Variants in METTL15 observed in about 807,000 individuals in gnomAD.
METTL15 encodes 12S rRNA N(4)-cytidine methyltransferase METTL15.
METTL15 carries 34 observed loss-of-function variants against 38.3 expected under a neutral mutation model. That is an observed-to-expected ratio of 0.89 (90% CI 0.68 to 1.18). The LOEUF (loss-of-function observed/expected upper bound fraction) is 1.18, where lower values mean the gene tolerates loss of function less well. METTL15 is among the 50% of genes most tolerant of loss of function. The pLI is 0.00. For synonymous variants in METTL15, 162 were observed against 170.9 expected (o/e 0.95, Z 0.41); for missense variants, 438 against 498.4 (o/e 0.88, Z 1.15).
chr11:28,298,151 T>C (rs1004275503), intron 6 of METTL15, among the ~76,000 whole-genome samples: 6 of 152,030 alleles, frequency 3.9e-5, no homozygotes, highest in East Asian at 1.9e-4. Context: ...TTTCATATTT[T>C]CCCCCCTAAA....
intron 6 of METTL15, among the ~76,000 whole-genome samples, chr11:28,503,819 G>T (rs542940351): frequency 1.3e-5 from 2 of 151,762 alleles, no homozygotes; most frequent in Middle Eastern, 6.8e-3. Context: ...ATTCAAACCC[G>T]GTAGGCCAGA....
chr11:28,128,278 G>C (rs992595949), intron 3 of METTL15, among the ~76,000 whole-genome samples: 2 of 152,020 alleles, frequency 1.3e-5, no homozygotes, highest in Non-Finnish European at 2.9e-5. Context: ...ATAATCTCTA[G>C]ATTAATGCAT....
intron 2 of METTL15, among the ~76,000 whole-genome samples, chr11:28,112,761 C>T (rs1851771345): frequency 6.6e-6 from 1 of 152,116 alleles, no homozygotes; most frequent in Non-Finnish European, 1.5e-5. Flanking sequence ...GAGAATCGGA[C>T]TGATAGACTG....
intron 6 of METTL15, among the ~76,000 whole-genome samples, chr11:28,455,620 T>C (rs995671310): frequency 6.6e-6 from 1 of 152,258 alleles, no homozygotes; most frequent in Non-Finnish European, 1.5e-5. Flanking sequence ...ACATTCCTTT[T>C]GCAATGTGAC....
chr11:28,392,108 A>G (rs1850515603), intron 5 of METTL15, among the ~76,000 whole-genome samples: 1 of 152,216 alleles, frequency 6.6e-6, no homozygotes, highest in Non-Finnish European at 1.5e-5. Flanking sequence ...GAACTCAAAC[A>G]AATTTACAAG....
Position 28,199,963 on chromosome 11 carries a change from C to T in METTL15, c.271-11099C>T, listed in dbSNP as rs111751208. 1.8e-3 allele frequency among the ~76,000 whole-genome samples: 272 copies of T among 152,002 alleles called. 1 individual carries two copies. The highest frequency in any genetic ancestry group is 6.2e-3 in the African/African-American group (259 of 41,472). On this transcript the variant is annotated intron_variant, in intron 3 of 6. Transcript: ENST00000407364. Reference sequence around the variant, plus strand: ...TTCACCATGTTGGTCAGGCTGGTCTCGAACTCCTGACCTCAGGTGATCCAC... The same window carrying T: ...TTCACCATGTTGGTCAGGCTGGTCTTGAACTCCTGACCTCAGGTGATCCAC...
In METTL15 at chr11:28,223,660, T is replaced by C. The variant is rs536528676; in HGVS notation, c.407+12462T>C. ...TGTCCTTTACTCTGTCAAAACTAAG[T>C]CAGAAATAGAAACTAACATTTTTAC... On this transcript the variant is annotated intron_variant, in intron 4 of 6. Coordinates refer to ENST00000407364, the MANE Select transcript of METTL15 (RefSeq NM_001113528.2). Among the ~76,000 whole-genome samples the C allele has an allele frequency of 5.3e-5, 8 of 152,248 alleles. No homozygotes were observed. The East Asian group carries it at 1.3e-3, about 26-fold the overall frequency.
intron 4 of METTL15, among the ~76,000 whole-genome samples, chr11:28,220,432 C>T (rs1278243728): frequency 1.3e-5 from 2 of 152,060 alleles, no homozygotes; most frequent in Admixed American, 1.3e-4. Context: ...TCCTCCATTC[C>T]TTTATTTTGA....
At chr11:28,480,950 G>T (rs757227767) in intron 6 of METTL15, among the ~76,000 whole-genome samples, 1 of 152,176 alleles carries the variant, frequency 6.6e-6, no homozygotes, top group Non-Finnish European at 1.5e-5. Context: ...AGGAGTCATA[G>T]CATATGGGGA....
intron 5 of METTL15, among the ~76,000 whole-genome samples, chr11:28,423,083 A>G (rs143653713): frequency 1.3e-5 from 2 of 152,198 alleles, no homozygotes; most frequent in Non-Finnish European, 2.9e-5. Flanking sequence ...CAAATGGCAA[A>G]CAGGTATATA....
At chr11:28,290,674 G>T (rs959415828) in intron 5 of METTL15, among the ~76,000 whole-genome samples, 4 of 152,020 alleles carry the variant, frequency 2.6e-5, no homozygotes, top group Non-Finnish European at 5.9e-5. Flanking sequence ...ATGGGTTTTA[G>T]AGTGTTAACC....
At chr11:28,217,582 T>A (rs1259961632) in intron 4 of METTL15, among the ~76,000 whole-genome samples, 1 of 152,196 alleles carries the variant, frequency 6.6e-6, no homozygotes, top group African/African-American at 2.4e-5. Context: ...ATTTGTCAAT[T>A]TTGGCTTTTG....
intron 6 of METTL15, among the ~76,000 whole-genome samples, chr11:28,325,560 T>C (rs1849608868): frequency 6.6e-6 from 1 of 152,224 alleles, no homozygotes; most frequent in African/African-American, 2.4e-5. Context: ...TTTTTTTTCA[T>C]TTATCTATTC....
chr11:28,309,420 C>G (rs1857195924), intron 6 of METTL15, among the ~76,000 whole-genome samples: 1 of 152,206 alleles, frequency 6.6e-6, no homozygotes, highest in South Asian at 2.1e-4. Context: ...TCTACTTCAT[C>G]TCTTACTATT....
chr11:28,119,782 G>T (rs1179048171), intron 3 of METTL15, among the ~76,000 whole-genome samples: 1 of 152,038 alleles, frequency 6.6e-6, no homozygotes, highest in African/African-American at 2.4e-5. Flanking sequence ...AAAAATCTTT[G>T]CAATCTTTAA....
chr11:28,449,292 C>T (rs1851100283), intron 6 of METTL15, among the ~76,000 whole-genome samples: 1 of 152,120 alleles, frequency 6.6e-6, no homozygotes, highest in South Asian at 2.1e-4. Context: ...TTTGATCCCA[C>T]CAGATTTGGA....
chr11:28,278,286 A>T (rs945565507), intron 4 of METTL15, among the ~76,000 whole-genome samples: 1 of 152,242 alleles, frequency 6.6e-6, no homozygotes, highest in Non-Finnish European at 1.5e-5. Flanking sequence ...TGTGGAATAT[A>T]GGATTCAGCA....
intron 5 of METTL15, among the ~76,000 whole-genome samples, chr11:28,383,174 G>A (rs757154003): frequency 6.6e-6 from 1 of 151,942 alleles, no homozygotes; most frequent in African/African-American, 2.4e-5. Flanking sequence ...GTGTTCATGT[G>A]TTCTCATTGT....
chr11:28,378,534 C>T (rs963355689), intron 5 of METTL15, among the ~76,000 whole-genome samples: 3 of 152,164 alleles, frequency 2.0e-5, no homozygotes, highest in African/African-American at 7.2e-5. Flanking sequence ...TGCGTGCACC[C>T]ACTGACCTGC....
Sources: allele counts gnomAD v4.1 joint callset (sites outside exome capture counted in the v4.1 genomes callset), GRCh38; gene constraint gnomAD v4.1.1; transcripts MANE v1.5; gene names NCBI Gene and HGNC (gene_info 2026-07-23, HGNC 2026-07-21).